The following MARCHF8 variants were observed in gnomAD, a reference collection of about 807,000 sequenced individuals.
MARCHF8 encodes the protein E3 ubiquitin-protein ligase MARCHF8.
Under a neutral mutation model 51.6 loss-of-function variants are expected in MARCHF8, and 40 were observed. The observed-to-expected ratio is 0.77, with a 90% CI of 0.60 to 1.01. MARCHF8 has a LOEUF of 1.01. MARCHF8 is among the 50% of genes least tolerant of loss of function. MARCHF8 has a pLI of 0.00. For missense variants in MARCHF8, 685 were observed against 708.6 expected (o/e 0.97, Z 0.38); for synonymous variants, 263 against 280.3 (o/e 0.94, Z 0.62).
chr10:45,551,840 T>TACACACACACACACACAC (rs139172803), intron 1 of MARCHF8, among the ~76,000 whole-genome samples: 2 of 148,552 alleles, frequency 1.3e-5, no homozygotes, highest in African/African-American at 2.5e-5. Context: ...GGTATATCTG[T>TACACACACACACACACAC]ACACACACAC....
chr10:45,469,916 G>A (rs555905450), intron 3 of MARCHF8, among the ~76,000 whole-genome samples: 20 of 146,574 alleles, frequency 1.4e-4, no homozygotes, highest in Admixed American at 1.1e-3. Flanking sequence ...TTTGGATCAT[G>A]GTCAAAGTCA....
chr10:45,528,602 A>C (rs552635558), intron 2 of MARCHF8, among the ~76,000 whole-genome samples: 3 of 152,148 alleles, frequency 2.0e-5, no homozygotes, highest in African/African-American at 7.2e-5. Context: ...TGGGACTTAC[A>C]GGCACGTGCC....
rs1358376830 is a variant in MARCHF8, at chr10:45,590,859, T to G, written c.-79+3376A>C. Among the ~76,000 whole-genome samples the G allele has an allele frequency of 2.0e-5, 3 of 152,172 alleles. No homozygotes were observed. The East Asian group carries it at 5.8e-4, about 29-fold the overall frequency. ...CCTGAGCCCAAGCTAAGCCAACATA[T>G]CCCCTGTGACCTGCACTTATACATC... On this transcript the variant is annotated intron_variant, in intron 1 of 6. Coordinates refer to the MARCHF8 transcript ENST00000319836.
At chr10:45,515,910 T>G (rs2043610491) in intron 2 of MARCHF8, among the ~76,000 whole-genome samples, 1 of 152,248 alleles carries the variant, frequency 6.6e-6, no homozygotes, top group Non-Finnish European at 1.5e-5. Flanking sequence ...CTCTGTTCTC[T>G]TCTCCCAGGG....
chr10:45,557,116 C>CT (rs58172142), intron 1 of MARCHF8, among the ~76,000 whole-genome samples: 2,236 of 66,228 alleles, frequency 0.034, 270 homozygotes, highest in Middle Eastern at 0.041. Context: ...GGTGCCTATT[C>CT]TTTTTTTTTT....
At chr10:45,572,603 T>C (rs539122653) in intron 1 of MARCHF8, among the ~76,000 whole-genome samples, 7 of 152,156 alleles carry the variant, frequency 4.6e-5, no homozygotes, top group Non-Finnish European at 1.0e-4. Context: ...CTGAGGTGCC[T>C]GACGTCCAGG....
intron 3 of MARCHF8, among the ~76,000 whole-genome samples, chr10:45,474,758 CA>C (rs1268129910): frequency 2.6e-5 from 4 of 152,146 alleles, no homozygotes; most frequent in African/African-American, 4.8e-5. Context: ...ACACCTAGAG[CA>C]GGCAAGGAGA....
chr10:45,556,834 A>C (rs2044256348), intron 1 of MARCHF8, among the ~76,000 whole-genome samples: 1 of 152,216 alleles, frequency 6.6e-6, no homozygotes, highest in Admixed American at 6.5e-5. Context: ...CTAGTGATCC[A>C]ACTTGTAGTA....
At chr10:45,480,753 T>C (rs919544348) in intron 3 of MARCHF8, among the ~76,000 whole-genome samples, 2 of 152,346 alleles carry the variant, frequency 1.3e-5, no homozygotes, top group East Asian at 1.9e-4. Flanking sequence ...GGCACTGGTA[T>C]GCTGCAAGGA....
intron 2 of MARCHF8, among the ~76,000 whole-genome samples, chr10:45,529,819 G>T (rs2043848512): frequency 6.6e-6 from 1 of 152,212 alleles, no homozygotes; most frequent in African/African-American, 2.4e-5. Flanking sequence ...AGATAAAAGG[G>T]AATGCTCACA....
At chr10:45,497,414 A>G (rs1170632984) in intron 2 of MARCHF8, among the ~76,000 whole-genome samples, 1 of 152,180 alleles carries the variant, frequency 6.6e-6, no homozygotes, top group Non-Finnish European at 1.5e-5. Flanking sequence ...CTTGAACAGC[A>G]CTAAACCAAC....
At chr10:45,483,987 A>G (rs2042936592) in intron 3 of MARCHF8, among the ~76,000 whole-genome samples, 1 of 152,206 alleles carries the variant, frequency 6.6e-6, no homozygotes, top group Non-Finnish European at 1.5e-5. Flanking sequence ...TCTAATGTTC[A>G]ATAACAACAG....
At position 45,456,125 on chromosome 10, in the gene MARCHF8, C is replaced by G. The variant is rs1336584503; in HGVS notation, c.*2114G>C. The G allele has an allele frequency of 6.6e-6, 1 of 152,340 alleles. No homozygotes were observed. The highest frequency in any genetic ancestry group is 1.9e-4 in the East Asian group (1 of 5,192). The allele number at this position is 152,340 out of a possible 1,614,324, so 9.4% of individuals were successfully genotyped here. On this transcript the variant is annotated 3_prime_UTR_variant, in exon 8 of 8. Transcript: ENST00000453424. ...CTCATCTACTGCTGGGTGGCAGGAACAAGTATACAAAACCAGGGGCCTTGC... is the reference window on the plus strand; with the variant it reads ...CTCATCTACTGCTGGGTGGCAGGAAGAAGTATACAAAACCAGGGGCCTTGC...
chr10:45,506,707 G>C (rs1346098809), intron 2 of MARCHF8, among the ~76,000 whole-genome samples: 4 of 152,186 alleles, frequency 2.6e-5, no homozygotes, highest in African/African-American at 2.4e-5. Context: ...AACAGGCTTT[G>C]TGTGAGCAAG....
intron 2 of MARCHF8, among the ~76,000 whole-genome samples, chr10:45,496,810 A>C (rs1376428863): frequency 6.6e-6 from 1 of 151,970 alleles, no homozygotes; most frequent in Non-Finnish European, 1.5e-5. Context: ...CCATTAAGAA[A>C]ATAATTTTTT....
At chr10:45,558,415 AT>A (rs2044275221) in intron 1 of MARCHF8, among the ~76,000 whole-genome samples, 1 of 152,238 alleles carries the variant, frequency 6.6e-6, no homozygotes, top group East Asian at 1.9e-4. Flanking sequence ...GCAAGGGATG[AT>A]AGTGGTATTG....
intron 2 of MARCHF8, among the ~76,000 whole-genome samples, chr10:45,514,391 G>A (rs1264435536): frequency 3.3e-5 from 5 of 152,242 alleles, no homozygotes; most frequent in African/African-American, 9.6e-5. Context: ...GCGCTTCCCC[G>A]CAACATGGTC....
At chr10:45,511,971 C>A (rs2043519585) in intron 2 of MARCHF8, among the ~76,000 whole-genome samples, 1 of 151,718 alleles carries the variant, frequency 6.6e-6, no homozygotes, top group African/African-American at 2.4e-5. Context: ...AGGAGCGTCT[C>A]TGCCCGGCCG....
intron 1 of MARCHF8, among the ~76,000 whole-genome samples, chr10:45,572,267 T>C (rs2044438794): frequency 6.6e-6 from 1 of 151,550 alleles, no homozygotes; most frequent in South Asian, 2.1e-4. Flanking sequence ...CTCTCCACTT[T>C]CCTGGGGGGC....
Sources: gnomAD v4.1 joint callset for allele counts (sites outside exome capture counted in the v4.1 genomes callset) on GRCh38, gnomAD v4.1.1 for gene constraint, MANE v1.5 for transcripts, NCBI Gene and HGNC (gene_info 2026-07-23, HGNC 2026-07-21) for gene names.